Variants in MCMBP observed in about 807,000 individuals in gnomAD.
MCMBP encodes mini-chromosome maintenance complex-binding protein.
In MCMBP, 31 loss-of-function variants were observed where a neutral mutation model predicts 81.3. The observed-to-expected ratio is 0.38, with a 90% CI of 0.29 to 0.51. The LOEUF is 0.51. Among genes scored for constraint, MCMBP ranks in the 20% least tolerant of loss-of-function variants. The pLI is 0.87. For synonymous variants in MCMBP, 267 were observed against 275.9 expected (o/e 0.97, Z 0.32); for missense variants, 645 against 772.1 (o/e 0.84, Z 1.95).
rs952778784 is a variant in MCMBP, at chr10:119,842,530, C to A, written c.1066G>T (p.Ala356Ser). 6.2e-7 allele frequency: 1 copy of A among 1,613,932 alleles called. No homozygotes were observed. Among genetic ancestry groups the A allele is most frequent in the Non-Finnish European group, 8.5e-7 (1 of 1,179,864 alleles). Residue 356 changes from alanine (A) to serine (S), a missense_variant, in exon 10 of 16, where the codon GCC becomes TCC. Coordinates refer to ENST00000369077, the MANE Select transcript of MCMBP (RefSeq NM_001256378.2). ...RAELLGFLTH[A>S]LLGDSLAAEY... The stretch of plus-strand genomic sequence containing the variant: ...GCAGCCAAACTATCCCCCAGAAGGG[C>A]ATGAGTAAGGAACCCAAGAAGTTCT...
rs1439640732 is a variant in MCMBP at position 119,829,792 on chromosome 10, C to T, written c.*1682G>A. The T allele has an allele frequency of 6.6e-6, 1 of 152,108 alleles. No individual in the cohort carries two copies. The highest frequency in any genetic ancestry group is 2.4e-5 in the African/African-American group (1 of 41,400). 9.4% of individuals were successfully genotyped at this position (152,108 alleles called of 1,614,324 possible). Reference sequence around the variant, plus strand: ...TACTCATGAAAAACAGCCCAAGGTACTGCTAATTTGGGACGTTTTATTTAT... The same window carrying T: ...TACTCATGAAAAACAGCCCAAGGTATTGCTAATTTGGGACGTTTTATTTAT... On this transcript the variant is annotated 3_prime_UTR_variant, in exon 16 of 16. Transcript: ENST00000369077.
chr10:119,853,234 G>T (rs1185870433), intron 5 of MCMBP, 40 bp from the exon 6 acceptor site: 2 of 1,573,152 alleles, frequency 1.3e-6, no homozygotes, highest in Admixed American at 3.6e-5. Flanking sequence ...ATAAACTGAG[G>T]AATATCCTAA....
intron 6 of MCMBP, 51 bp downstream of exon 6, chr10:119,852,999 A>G (rs757027785): frequency 6.3e-7 from 1 of 1,599,130 alleles, no homozygotes. Context: ...TCTGAAAACC[A>G]ATCTACTGTA....
At position 119,843,235 on chromosome 10, in the gene MCMBP, C is replaced by G; in HGVS notation, c.1000+19G>C. 1.2e-6 allele frequency: 2 copies of G among 1,612,962 alleles called. No homozygotes were observed. The highest frequency in any genetic ancestry group is 1.7e-6 in the Non-Finnish European group (2 of 1,179,306). On this transcript the variant is annotated intron_variant, in intron 9 of 15. Transcript: ENST00000369077. ...GGCTAACAGTCGATAGTTGACTAGG[C>G]TGTAACACTTACACTTACAGGTTTT...
chr10:119,845,743 C>G (rs1852595597), intron 8 of MCMBP, among the ~76,000 whole-genome samples: 1 of 152,220 alleles, frequency 6.6e-6, no homozygotes, highest in South Asian at 2.1e-4. Context: ...ATGTATTGAA[C>G]TCTAATTACT....
chr10:119,850,606 A>G (rs1716717483), intron 6 of MCMBP, among the ~76,000 whole-genome samples: 1 of 151,694 alleles, frequency 6.6e-6, no homozygotes, highest in Non-Finnish European at 1.5e-5. Context: ...AAAATTAGCC[A>G]GGCGTGGTGA....
At chr10:119,844,001 G>C (rs1852530112) in intron 8 of MCMBP, among the ~76,000 whole-genome samples, 1 of 152,152 alleles carries the variant, frequency 6.6e-6, no homozygotes, top group South Asian at 2.1e-4. Flanking sequence ...TCAATAAATG[G>C]AATGTAGGAT....
rs1852471887 is a variant in MCMBP at position 119,842,601 on chromosome 10, G to A, written c.1001-6C>T. 2 of 1,611,750 alleles carry A rather than the reference G, an allele frequency of 1.2e-6. No individual in the cohort carries two copies. The highest frequency in any genetic ancestry group is 2.2e-5 in the South Asian group (2 of 90,782). On this transcript the variant is annotated splice_region_variant and splice_polypyrimidine_tract_variant and intron_variant, in intron 9 of 15. Coordinates refer to ENST00000369077, the MANE Select transcript of MCMBP (RefSeq NM_001256378.2). The stretch of plus-strand genomic sequence containing the variant: ...GGACATGAAACTTGAAACAACTGAA[G>A]GAGAAAGGAAGACCTGAGTCAGGAC...
chr10:119,851,298 T>C (rs1478523518), intron 6 of MCMBP, among the ~76,000 whole-genome samples: 2 of 152,136 alleles, frequency 1.3e-5, no homozygotes, highest in African/African-American at 4.8e-5. Context: ...AGTACTCAAA[T>C]GCATAAAAAG....
intron 11 of MCMBP, among the ~76,000 whole-genome samples, chr10:119,840,504 A>G (rs1454234747): frequency 2.6e-5 from 4 of 152,196 alleles, no homozygotes; most frequent in African/African-American, 7.2e-5. Flanking sequence ...AACTAAAAGA[A>G]TTATGCTCCT....
intron 5 of MCMBP, among the ~76,000 whole-genome samples, chr10:119,853,987 C>T (rs193173808): frequency 6.6e-6 from 1 of 152,200 alleles, no homozygotes; most frequent in Non-Finnish European, 1.5e-5. Context: ...ACCACTCAGC[C>T]CAGGAAGTTG....
At chr10:119,840,722 G>A in intron 11 of MCMBP, 121 bp downstream of exon 11, 1 of 553,926 alleles carries the variant, frequency 1.8e-6, no homozygotes, top group South Asian at 3.3e-5. Flanking sequence ...GGCAGGCTTT[G>A]TTTCCCCTTA....
chr10:119,864,014 A>AC (rs1853359599), intron 1 of MCMBP, among the ~76,000 whole-genome samples: 1 of 151,564 alleles, frequency 6.6e-6, no homozygotes, highest in Admixed American at 6.6e-5. Flanking sequence ...CTTAAAAAAA[A>AC]AAACAATCTG....
rs549084754 is a variant in MCMBP at position 119,869,976 on chromosome 10, C to T, written c.58+2551G>A. On this transcript the variant is annotated intron_variant, in intron 1 of 15. Coordinates refer to ENST00000369077, the MANE Select transcript of MCMBP (RefSeq NM_001256378.2). ...GTAGCTACTGAGCACTTGAAATGTG[C>T]TAACACCGAGGAGGTGAATTTTTAA... Among the ~76,000 whole-genome samples, 4 of 152,306 alleles carry T rather than the reference C, an allele frequency of 2.6e-5. No individual in the cohort carries two copies. In the South Asian group the frequency reaches 8.3e-4, roughly 32 times the overall value.
In MCMBP at chr10:119,835,563, T is replaced by C; in HGVS notation, c.1684A>G (p.Ser562Gly). The part of the protein sequence containing the change: ...YLTLLRFLEY[S>G]ISDEITKAVE... ...ACCTTGGTTATTTCATCAGATATGC[T>C]ATATTCCAAGAATCTCAAAAGAGTT... Residue 562 changes from serine (S) to glycine (G), a missense_variant, in exon 14 of 16, where the codon AGC becomes GGC. Physicochemically the swap from Ser to Gly is moderately conservative, Grantham distance 56. Transcript: ENST00000369077. The C allele has an allele frequency of 1.2e-6, 2 of 1,614,170 alleles. No homozygotes were observed. Among genetic ancestry groups the C allele is most frequent in the Non-Finnish European group, 1.7e-6 (2 of 1,179,994 alleles).
intron 1 of MCMBP, among the ~76,000 whole-genome samples, chr10:119,865,823 C>G (rs1381136771): frequency 6.6e-6 from 1 of 152,116 alleles, no homozygotes; most frequent in East Asian, 1.9e-4. Flanking sequence ...CATCTGTAAT[C>G]CCAGCACTTT....
intron 3 of MCMBP, 45 bp from the exon 4 acceptor site, chr10:119,858,970 G>C: frequency 6.2e-7 from 1 of 1,609,490 alleles, no homozygotes; most frequent in South Asian, 1.1e-5. Flanking sequence ...CAATATATCT[G>C]AACCAAAACT....
chr10:119,863,109 T>C (rs888718231), intron 1 of MCMBP, among the ~76,000 whole-genome samples: 2 of 152,244 alleles, frequency 1.3e-5, no homozygotes, highest in Non-Finnish European at 2.9e-5. Flanking sequence ...TGTCTTTTCA[T>C]GCTCCTAATA....
intron 1 of MCMBP, among the ~76,000 whole-genome samples, chr10:119,872,139 T>TC (rs1853699823): frequency 6.6e-6 from 1 of 152,078 alleles, no homozygotes; most frequent in Non-Finnish European, 1.5e-5. Flanking sequence ...TGGTTTTCCC[T>TC]CCCCGCGGCT....
Sources: allele counts gnomAD v4.1 joint callset (sites outside exome capture counted in the v4.1 genomes callset), GRCh38; gene constraint gnomAD v4.1.1; transcripts MANE v1.5; gene names NCBI Gene and HGNC (gene_info 2026-07-23, HGNC 2026-07-21).